The following ST6GALNAC5 variants were observed in gnomAD, a reference collection of about 807,000 sequenced individuals.
The protein encoded by ST6GALNAC5 is ST6 N-acetylgalactosaminide alpha-2,6-sialyltransferase 5, also known as alpha-N-acetylgalactosaminide alpha-2,6-sialyltransferase 5.
In ST6GALNAC5, 27 loss-of-function variants were observed where a neutral mutation model predicts 33.6. That is an observed-to-expected ratio of 0.80 (90% CI 0.59 to 1.11). The LOEUF (loss-of-function observed/expected upper bound fraction) is 1.11, where lower values mean the gene tolerates loss of function less well. ST6GALNAC5 is among the 50% of genes least tolerant of loss of function. ST6GALNAC5 has a pLI of 0.00. For synonymous variants in ST6GALNAC5, 194 were observed against 171.2 expected (o/e 1.13, Z -1.04); for missense variants, 428 against 454.0 (o/e 0.94, Z 0.52).
intron 2 of ST6GALNAC5, among the ~76,000 whole-genome samples, chr1:76,939,661 T>C (rs573702099): frequency 6.6e-6 from 1 of 152,124 alleles, no homozygotes; most frequent in Admixed American, 6.5e-5. Context: ...ACTGAGAGGG[T>C]TGATGATGTG....
At position 76,982,440 on chromosome 1, in the gene ST6GALNAC5, A is replaced by C. The variant is rs577322936; in HGVS notation, c.262-61764A>C. ...TAACTGAAGATCAAATTAATGAAATAAAGCAAGAAGACAAGGTTAGAGCAA... is the reference window on the plus strand; with the variant it reads ...TAACTGAAGATCAAATTAATGAAATCAAGCAAGAAGACAAGGTTAGAGCAA... On this transcript the variant is annotated intron_variant, in intron 2 of 4. Coordinates refer to ENST00000477717, the MANE Select transcript of ST6GALNAC5 (RefSeq NM_030965.3). Among the ~76,000 whole-genome samples, 49 of 152,314 alleles carry C rather than the reference A, an allele frequency of 3.2e-4. 1 individual carries two copies. The highest frequency in any genetic ancestry group is 1.1e-3 in the African/African-American group (44 of 41,580).
chr1:77,032,467 C>G (rs1232280273), intron 2 of ST6GALNAC5, among the ~76,000 whole-genome samples: 1 of 152,236 alleles, frequency 6.6e-6, no homozygotes, highest in Non-Finnish European at 1.5e-5. Flanking sequence ...AACAGACATA[C>G]AGGAGGTTGG....
intron 2 of ST6GALNAC5, among the ~76,000 whole-genome samples, chr1:76,903,544 A>G (rs548217238): frequency 6.6e-6 from 1 of 152,342 alleles, no homozygotes; most frequent in South Asian, 2.1e-4. Context: ...ATATGCCAAT[A>G]TAAATGAAAA....
intron 2 of ST6GALNAC5, among the ~76,000 whole-genome samples, chr1:76,877,342 C>G (rs1653668773): frequency 6.6e-6 from 1 of 152,196 alleles, no homozygotes; most frequent in Non-Finnish European, 1.5e-5. Flanking sequence ...TGCACAGCAG[C>G]CTGAGCCTGT....
At chr1:76,955,810 C>G (rs887634541) in intron 2 of ST6GALNAC5, among the ~76,000 whole-genome samples, 1 of 152,156 alleles carries the variant, frequency 6.6e-6, no homozygotes, top group Admixed American at 6.5e-5. Flanking sequence ...ACTAAGTGTC[C>G]TCTGACTTAT....
At chr1:77,023,317 A>T (rs1160912596) in intron 2 of ST6GALNAC5, among the ~76,000 whole-genome samples, 2 of 152,232 alleles carry the variant, frequency 1.3e-5, no homozygotes, top group Admixed American at 1.3e-4. Flanking sequence ...ATTTTTCCAT[A>T]TAACAAACTA....
chr1:77,021,317 AG>A (rs1278117431), intron 2 of ST6GALNAC5, among the ~76,000 whole-genome samples: 1 of 152,184 alleles, frequency 6.6e-6, no homozygotes, highest in African/African-American at 2.4e-5. Context: ...GGTTGGGGGC[AG>A]GGGGTATGTT....
chr1:76,994,656 A>G (rs556945345), intron 2 of ST6GALNAC5, among the ~76,000 whole-genome samples: 16 of 152,338 alleles, frequency 1.1e-4, no homozygotes, highest in Admixed American at 3.9e-4. Context: ...GGTTGCTATT[A>G]TGGGTCGCCA....
At chr1:77,059,448 G>A (rs1002218275) in intron 4 of ST6GALNAC5, among the ~76,000 whole-genome samples, 14 of 152,226 alleles carry the variant, frequency 9.2e-5, no homozygotes, top group African/African-American at 2.9e-4. Flanking sequence ...ATGTTTTCCT[G>A]TGCTTAGATT....
chr1:77,042,619 C>A (rs1412550616), intron 2 of ST6GALNAC5, among the ~76,000 whole-genome samples: 1 of 152,060 alleles, frequency 6.6e-6, no homozygotes, highest in Non-Finnish European at 1.5e-5. Context: ...TGATAGGAAC[C>A]CTGGACAAGA....
chr1:77,036,983 G>A (rs1474521607), intron 2 of ST6GALNAC5, among the ~76,000 whole-genome samples: 1 of 152,164 alleles, frequency 6.6e-6, no homozygotes, highest in Non-Finnish European at 1.5e-5. Context: ...GGCGGTCTGA[G>A]GTAACACGTG....
intron 2 of ST6GALNAC5, among the ~76,000 whole-genome samples, chr1:77,026,461 C>G (rs867814266): frequency 1.3e-5 from 2 of 152,092 alleles, no homozygotes; most frequent in Non-Finnish European, 2.9e-5. Flanking sequence ...ATCTCAGGGG[C>G]GTAATTCCAG....
At chr1:76,996,054 T>C (rs1053848631) in intron 2 of ST6GALNAC5, among the ~76,000 whole-genome samples, 2 of 152,200 alleles carry the variant, frequency 1.3e-5, no homozygotes, top group Admixed American at 6.5e-5. Context: ...TTCACAAACA[T>C]GGCCTCATTA....
intron 2 of ST6GALNAC5, among the ~76,000 whole-genome samples, chr1:76,925,013 T>C (rs1307120803): frequency 6.6e-6 from 1 of 151,992 alleles, no homozygotes; most frequent in Non-Finnish European, 1.5e-5. Flanking sequence ...TGGCATCTGC[T>C]CCTGGTGAGG....
At chr1:76,941,743 C>G (rs1474573046) in intron 2 of ST6GALNAC5, among the ~76,000 whole-genome samples, 1 of 152,002 alleles carries the variant, frequency 6.6e-6, no homozygotes, top group East Asian at 1.9e-4. Context: ...GGAAGAGGAG[C>G]CTTCGGAAGG....
chr1:76,977,083 A>C (rs1189246717), intron 2 of ST6GALNAC5, among the ~76,000 whole-genome samples: 1 of 152,120 alleles, frequency 6.6e-6, no homozygotes, highest in African/African-American at 2.4e-5. Context: ...ATATGTTTCT[A>C]TCTATATTAA....
chr1:76,935,367 TA>T (rs889818444), intron 2 of ST6GALNAC5, among the ~76,000 whole-genome samples: 2 of 152,192 alleles, frequency 1.3e-5, no homozygotes, highest in Middle Eastern at 3.4e-3. Flanking sequence ...ATTCATTTTT[TA>T]AAAATCCCAC....
chr1:76,872,073 AC>A (rs1333020555), intron 2 of ST6GALNAC5, among the ~76,000 whole-genome samples: 72 of 72,888 alleles, frequency 9.9e-4, no homozygotes, highest in African/African-American at 4.9e-3. Flanking sequence ...AAGCTAACAC[AC>A]ACACACACAC....
chr1:77,000,985 G>T (rs1650135616), intron 2 of ST6GALNAC5, among the ~76,000 whole-genome samples: 1 of 150,772 alleles, frequency 6.6e-6, no homozygotes, highest in Non-Finnish European at 1.5e-5. Context: ...GCTCTTTTTT[G>T]GTTCCATATG....
Sources: gnomAD v4.1 joint callset for allele counts (sites outside exome capture counted in the v4.1 genomes callset) on GRCh38, gnomAD v4.1.1 for gene constraint, MANE v1.5 for transcripts, NCBI Gene and HGNC (gene_info 2026-07-23, HGNC 2026-07-21) for gene names.